PARP6: variants seen among roughly 807,000 people sequenced by gnomAD.
PARP6 encodes the protein poly(ADP-ribose) polymerase family member 6.
A neutral mutation model predicts 92.0 loss-of-function variants in PARP6; 27 were observed. The ratio of observed to expected loss-of-function variants is 0.29; its 90% CI spans 0.22 to 0.40. The LOEUF (loss-of-function observed/expected upper bound fraction) is 0.40. PARP6 is among the 10% of genes least tolerant of loss of function. The pLI is 1.00. For missense variants in PARP6, 501 were observed against 784.5 expected (o/e 0.64, Z 4.32); for synonymous variants, 272 against 281.2 (o/e 0.97, Z 0.33).
intron 8 of PARP6, among the ~76,000 whole-genome samples, chr15:72,263,806 G>C (rs2086201855): frequency 6.6e-6 from 1 of 152,138 alleles, no homozygotes; most frequent in African/African-American, 2.4e-5. Context: ...TGGATCACTT[G>C]AGGCCAGGAG....
chr15:72,268,415 A>G (rs2086892582), intron 2 of PARP6, among the ~76,000 whole-genome samples: 1 of 152,256 alleles, frequency 6.6e-6, no homozygotes, highest in Admixed American at 6.5e-5. Context: ...CTCTTTAAAC[A>G]TCAGTATTAC....
At chr15:72,252,602 C>T (rs2084518639) in intron 16 of PARP6, among the ~76,000 whole-genome samples, 1 of 152,116 alleles carries the variant, frequency 6.6e-6, no homozygotes, top group Non-Finnish European at 1.5e-5. Flanking sequence ...TCTCCTGCCT[C>T]AGCCTCCCGA....
chr15:72,250,456 T>C (rs2084196808), intron 18 of PARP6: 2 of 307,858 alleles, frequency 6.5e-6, no homozygotes, highest in Non-Finnish European at 6.2e-6. Context: ...TCTGACTTCA[T>C]GTTCTATTTT....
At chr15:72,249,167 G>A in intron 20 of PARP6, 78 bp downstream of exon 20, 1 of 770,088 alleles carries the variant, frequency 1.3e-6, no homozygotes, top group South Asian at 1.7e-5. Flanking sequence ...AATGAGGGAG[G>A]AACAGACAGC....
chr15:72,267,361 C>T (rs1447154964), intron 3 of PARP6, 114 bp downstream of exon 3: 12 of 1,143,204 alleles, frequency 1.0e-5, no homozygotes, highest in Non-Finnish European at 1.6e-5. Flanking sequence ...CTTCAAATAG[C>T]CACTCTATCT....
At position 72,265,136 on chromosome 15, in the gene PARP6, T is replaced by C. The variant is rs762908668; in HGVS notation, c.273A>G (p.Thr91=). The change falls in exon 7 of 24, where the codon ACA becomes ACG. Residue 91 remains threonine, a synonymous_variant. Coordinates refer to ENST00000569795, the MANE Select transcript of PARP6 (RefSeq NM_001323532.2). ...EVSTAWKVLR[T]EPIVLRLRFS... ...ATCGCAGCCTCAACACAATAGGTTC[T>C]GTCCGGAGGACCTTCCAGGCTGTAG... The C allele has an allele frequency of 2.5e-6, 4 of 1,613,606 alleles. No homozygotes were observed. The highest frequency in any genetic ancestry group is 3.4e-6 in the Non-Finnish European group (4 of 1,179,648).
At chr15:72,265,689 G>A (rs1338525781) in intron 5 of PARP6, among the ~76,000 whole-genome samples, 2 of 152,194 alleles carry the variant, frequency 1.3e-5, no homozygotes, top group African/African-American at 4.8e-5. Context: ...TGAAACTACT[G>A]GCCCAGAGGG....
intron 14 of PARP6, among the ~76,000 whole-genome samples, 164 bp downstream of exon 14, chr15:72,256,301 T>C (rs2085120713): frequency 6.6e-6 from 1 of 152,198 alleles, no homozygotes; most frequent in East Asian, 1.9e-4. Flanking sequence ...TTCTCCCCTT[T>C]CTGTGTCAAA....
chr15:72,250,086 G>C lies in PARP6; in HGVS notation c.1425C>G (p.Ser475=). ...LYGSTFAFHG[S]HIENWHSILR... is the part of the protein sequence containing the mutation. Reference sequence around the variant, plus strand: ...GGATCGAATGCCAGTTCTCAATGTGGGACCCACTGTAAGGCAGGGTAGAAT... The same window carrying C: ...GGATCGAATGCCAGTTCTCAATGTGCGACCCACTGTAAGGCAGGGTAGAAT... Residue 475 remains serine (S), a synonymous_variant, in exon 19 of 24, where the codon TCC becomes TCG. Coordinates refer to ENST00000569795, the MANE Select transcript of PARP6 (RefSeq NM_001323532.2). 1 of 1,606,702 alleles carries C rather than the reference G, an allele frequency of 6.2e-7. No homozygotes were observed. The highest frequency in any genetic ancestry group is 8.5e-7 in the Non-Finnish European group (1 of 1,173,268).
In PARP6 at chr15:72,249,269, A is replaced by G; in HGVS notation, c.1537T>C (p.Ser513Pro). ...YGKGIYLSPI[S>P]SISFGYSGMG... Reference sequence around the variant, plus strand: ...CCTGAGTATCCAAAGGAAATACTGGAGATGGGGCTCAGGTAGATGCCTTTG... The same window carrying G: ...CCTGAGTATCCAAAGGAAATACTGGGGATGGGGCTCAGGTAGATGCCTTTG... Residue 513 changes from serine to proline, a missense_variant, in exon 20 of 24, where the codon TCC becomes CCC. Transcript: ENST00000569795. 6.2e-7 allele frequency: 1 copy of G among 1,603,322 alleles called. No homozygotes were observed. The highest frequency in any genetic ancestry group is 1.3e-5 in the African/African-American group (1 of 74,904).
intron 16 of PARP6, among the ~76,000 whole-genome samples, chr15:72,251,819 C>T (rs1012625036): frequency 6.6e-6 from 1 of 152,184 alleles, no homozygotes; most frequent in Non-Finnish European, 1.5e-5. Flanking sequence ...ACAGACTAAG[C>T]TCTATACAGG....
At chr15:72,254,118 A>C (rs2084737800) in intron 15 of PARP6, 2 of 477,404 alleles carry the variant, frequency 4.2e-6, no homozygotes, top group African/African-American at 2.0e-5. Context: ...CCTTACCTTC[A>C]AGCCCCCCTC....
chr15:72,242,202 G>T lies in PARP6; in HGVS notation c.1660C>A (p.Arg554=), dbSNP rs2083131030. 4 of 1,613,942 alleles carry T rather than the reference G, an allele frequency of 2.5e-6. No homozygotes were observed. The highest frequency in any genetic ancestry group is 3.4e-6 in the Non-Finnish European group (4 of 1,179,924). The change falls in exon 22 of 24, where the codon CGG becomes AGG. Residue 554 remains arginine (R), a synonymous_variant. Transcript: ENST00000569795. This position sits in a 1 kb window ranked among gnomAD's most constrained non-coding sequence, Gnocchi z 4.3. ...TTTAGATTCCGACTCTGCAGGAACC[G>T]TGACTGAATGGATCGGGTCTGGAAG... ...TIPQTRSIQS[R]FLQSRNLNCI... is the part of the protein sequence containing the mutation.
At position 72,265,830 on chromosome 15, in the gene PARP6, C is replaced by T. The variant is rs1243074615; in HGVS notation, c.176+67G>A. The T allele has an allele frequency of 1.0e-5, 11 of 1,062,310 alleles. No homozygotes were observed. The East Asian group carries it at 2.6e-4, about 25-fold the overall frequency. 65.8% of individuals were successfully genotyped at this position (1,062,310 alleles called of 1,614,324 possible). A position where few individuals can be genotyped will look rare whatever the true frequency, so the allele number is the denominator to read the frequency against. ...ACTATCATACCATAAAAAGAAAAAC[C>T]TCTAGCCTTTTAACAACTCAGAAAG... On this transcript the variant is annotated intron_variant, in intron 5 of 23. Coordinates refer to ENST00000569795, the MANE Select transcript of PARP6 (RefSeq NM_001323532.2).
rs75486976 is a variant in PARP6, at chr15:72,250,666, A to G, written c.1418+179T>C. 2.4e-4 allele frequency among the ~76,000 whole-genome samples: 36 copies of G among 152,370 alleles called. No individual in the cohort carries two copies. In the East Asian group the frequency reaches 6.7e-3, roughly 29 times the overall value. On this transcript the variant is annotated intron_variant, in intron 18 of 23. Coordinates refer to ENST00000569795, the MANE Select transcript of PARP6 (RefSeq NM_001323532.2). ...CAACTACATCATAAATAGTTTGAGA[A>G]TAAAGACCACATTATATGTACCTTT...
In PARP6 at chr15:72,260,624, G is replaced by A. The variant is rs1355791587; in HGVS notation, c.610C>T (p.Arg204Trp). ...LKGKLGVPEL[R>W]VGRLMNRSIS... is the part of the protein sequence containing the mutation. ...GAACGGTTCATGAGGCGCCCAACCC[G>A]AAGCTCTGGTACACCTAGTTTGCCT... The change falls in exon 10 of 24, where the codon CGG becomes TGG. Residue 204 changes from arginine (R) to tryptophan (W), a missense_variant. Around this residue, in one of 4 missense-constraint regions of PARP6, gnomAD observed 291 missense variants for 352.0 expected, o/e 0.83. Coordinates refer to ENST00000569795, the MANE Select transcript of PARP6 (RefSeq NM_001323532.2). The A allele has an allele frequency of 1.2e-6, 2 of 1,614,178 alleles. No homozygotes were observed. The highest frequency in any genetic ancestry group is 1.1e-5 in the South Asian group (1 of 91,076).
chr15:72,249,219 C>G (rs1424429814), intron 20 of PARP6, 26 bp downstream of exon 20: 2 of 1,411,994 alleles, frequency 1.4e-6, no homozygotes, highest in Non-Finnish European at 2.0e-6. Context: ...TAAATAGAGT[C>G]AAGGTGGCCA....
At chr15:72,245,602 A>G (rs948052918) in intron 20 of PARP6, 1 of 152,244 alleles carries the variant, frequency 6.6e-6, no homozygotes, top group East Asian at 1.9e-4. Context: ...ACTTTTCTGT[A>G]TATCAGCTTT....
At chr15:72,260,788 TAAAG>T (rs2085768391) in intron 9 of PARP6, 100 bp from the exon 10 acceptor site, 3 of 844,088 alleles carry the variant, frequency 3.6e-6, no homozygotes, top group South Asian at 2.8e-5. Context: ...AGTTCTAAAC[TAAAG>T]AAAGACAAAC....
Sources: gnomAD v4.1 joint callset for allele counts (sites outside exome capture counted in the v4.1 genomes callset) on GRCh38, gnomAD v4.1.1 for gene constraint, gnomAD v4.1.1 regional missense constraint, Gnocchi (gnomAD v3.1) non-coding constraint, MANE v1.5 for transcripts, NCBI Gene and HGNC (gene_info 2026-07-23, HGNC 2026-07-21) for gene names.